NME7: variants seen among roughly 807,000 people sequenced by gnomAD.
The protein encoded by NME7 is NME/NM23 family member 7.
NME7 carries 41 observed loss-of-function variants against 49.1 expected under a neutral mutation model. That is an observed-to-expected ratio of 0.83 (90% CI 0.65 to 1.08). NME7 has a LOEUF of 1.08. NME7 is among the 50% of genes least tolerant of loss of function. The pLI, the probability that NME7 is intolerant of heterozygous loss-of-function variation, is 0.00. For synonymous variants in NME7, 139 were observed against 150.6 expected, an observed-to-expected ratio of 0.92 and a Z score of 0.56; for missense variants, 423 against 463.4, an observed-to-expected ratio of 0.91 and a Z score of 0.80.
chr1:169,180,068 G>C (rs1191939238), intron 10 of NME7, among the ~76,000 whole-genome samples: 1 of 151,758 alleles, frequency 6.6e-6, no homozygotes, highest in Admixed American at 6.6e-5. Context: ...ATAACATAGA[G>C]ATTTTATAAA....
chr1:169,185,241 A>C (rs1660035209), intron 10 of NME7, among the ~76,000 whole-genome samples: 1 of 152,208 alleles, frequency 6.6e-6, no homozygotes, highest in South Asian at 2.1e-4. Context: ...AAGACACGAC[A>C]ATTCAAGGAA....
intron 5 of NME7, among the ~76,000 whole-genome samples, chr1:169,300,540 T>G (rs1650897910): frequency 6.6e-6 from 1 of 152,140 alleles, no homozygotes; most frequent in South Asian, 2.1e-4. Flanking sequence ...TAAATTTAAT[T>G]ACATGTCAAA....
intron 1 of NME7, among the ~76,000 whole-genome samples, chr1:169,346,979 T>C (rs2101970181): frequency 6.6e-6 from 1 of 152,304 alleles, no homozygotes; most frequent in African/African-American, 2.4e-5. Flanking sequence ...CCTGTTGACA[T>C]GGAGCTTACT....
At chr1:169,331,529 A>G (rs1294011189) in intron 1 of NME7, among the ~76,000 whole-genome samples, 1 of 152,152 alleles carries the variant, frequency 6.6e-6, no homozygotes, top group Non-Finnish European at 1.5e-5. Flanking sequence ...GAAGAAGTCA[A>G]ATTATCCTTG....
chr1:169,342,997 G>GTC lies in NME7; in HGVS notation c.4-18498_4-18497insGA, dbSNP rs1553196275. On this transcript the variant is annotated intron_variant, in intron 1 of 11. Coordinates refer to ENST00000367811, the MANE Select transcript of NME7 (RefSeq NM_013330.5). Reference sequence around the variant, plus strand: ...CAAGTACATATATATACTTGTATTAGTATATATATATATATATGCATATAT... The same window carrying GTC: ...CAAGTACATATATATACTTGTATTAGTCTATATATATATATATATGCATATAT... Among the ~76,000 whole-genome samples, 2 of 44,232 alleles carry GTC rather than the reference G, an allele frequency of 4.5e-5. 1 individual carries two copies. The highest frequency in any genetic ancestry group is 1.2e-4 in the Non-Finnish European group (2 of 16,274). The allele number at this position is 44,232 out of a possible 152,430, so 29.0% of individuals were successfully genotyped here.
intron 10 of NME7, among the ~76,000 whole-genome samples, chr1:169,220,026 A>G (rs1661094222): frequency 6.6e-6 from 1 of 152,024 alleles, no homozygotes; most frequent in Non-Finnish European, 1.5e-5. Flanking sequence ...TTCATGAAAG[A>G]TTTTCACAAA....
chr1:169,310,004 T>A lies in NME7; in HGVS notation c.355A>T (p.Thr119Ser). The change falls in exon 4 of 12, where the codon ACT becomes TCT. Residue 119 changes from threonine to serine, a missense_variant. Coordinates refer to ENST00000367811, the MANE Select transcript of NME7 (RefSeq NM_013330.5). Reference sequence around the variant, plus strand: ...ATCATCATTTTGAGTTTGGTTATAGTAAATCCAGCTTTGTTTATTATTTCA... The same window carrying A: ...ATCATCATTTTGAGTTTGGTTATAGAAAATCCAGCTTTGTTTATTATTTCA... ...IIEIINKAGF[T>S]ITKLKMMMLS... 6.2e-7 allele frequency: 1 copy of A among 1,605,256 alleles called. No homozygotes were observed. The highest frequency in any genetic ancestry group is 8.5e-7 in the Non-Finnish European group (1 of 1,175,276).
chr1:169,171,178 G>A (rs979252346), intron 10 of NME7, among the ~76,000 whole-genome samples: 4 of 151,936 alleles, frequency 2.6e-5, no homozygotes, highest in African/African-American at 2.4e-5. Context: ...GAGCAGCCTT[G>A]GCAACACAGA....
intron 7 of NME7, among the ~76,000 whole-genome samples, chr1:169,276,382 T>C (rs1649729509): frequency 7.5e-6 from 1 of 133,606 alleles, no homozygotes; most frequent in Non-Finnish European, 1.8e-5. Context: ...ATTGGTGTAT[T>C]CAGAGATTCG....
intron 10 of NME7, among the ~76,000 whole-genome samples, chr1:169,229,638 C>T (rs960367537): frequency 6.6e-6 from 1 of 152,126 alleles, no homozygotes; most frequent in Non-Finnish European, 1.5e-5. Context: ...TTAATAGATG[C>T]TGTGGATTTA....
At position 169,310,072 on chromosome 1, in the gene NME7, G is replaced by T; in HGVS notation, c.287C>A (p.Ala96Asp). The change falls in exon 4 of 12, where the codon GCC becomes GAC. Residue 96 changes from alanine to aspartate, a missense_variant. Coordinates refer to ENST00000367811, the MANE Select transcript of NME7 (RefSeq NM_013330.5). ...QLGSRKEKTL[A>D]LIKPDAISKA... ...TGATATTGCATCTGGTTTAATTAGG[G>T]CTAGCGTTCTATAAGGAAACAAAAA... The T allele has an allele frequency of 1.3e-6, 2 of 1,584,910 alleles. No individual in the cohort carries two copies. Among genetic ancestry groups the T allele is most frequent in the Non-Finnish European group, 1.7e-6 (2 of 1,164,696 alleles).
chr1:169,351,612 A>AC (rs1252475613), intron 1 of NME7, among the ~76,000 whole-genome samples: 2 of 152,052 alleles, frequency 1.3e-5, no homozygotes, highest in Non-Finnish European at 2.9e-5. Context: ...AATGAAAAAA[A>AC]AATACAAAAG....
At chr1:169,312,473 T>G (rs115986997) in intron 3 of NME7, among the ~76,000 whole-genome samples, 2,197 of 152,302 alleles carry the variant, frequency 0.014, 46 homozygotes, top group African/African-American at 0.048. Flanking sequence ...CACTGTAAGA[T>G]GCAGCGTGAG....
intron 1 of NME7, among the ~76,000 whole-genome samples, chr1:169,364,951 T>C (rs1653797568): frequency 6.6e-6 from 1 of 152,228 alleles, no homozygotes. Flanking sequence ...TCAGAAGTCA[T>C]GTAGCCAGAG....
At chr1:169,165,410 C>T (rs773927949) in intron 11 of NME7, among the ~76,000 whole-genome samples, 1 of 152,028 alleles carries the variant, frequency 6.6e-6, no homozygotes, top group Non-Finnish European at 1.5e-5. Context: ...GTAAACATCA[C>T]ATTAGGGAAA....
intron 10 of NME7, among the ~76,000 whole-genome samples, chr1:169,228,679 G>A (rs796127539): frequency 6.5e-5 from 7 of 107,052 alleles, no homozygotes; most frequent in African/African-American, 2.2e-4. Flanking sequence ...GCGAGACTCC[G>A]TCTCAAAAAA....
At chr1:169,174,199 T>C (rs1440693023) in intron 10 of NME7, among the ~76,000 whole-genome samples, 1 of 152,136 alleles carries the variant, frequency 6.6e-6, no homozygotes, top group Non-Finnish European at 1.5e-5. Context: ...GAATAGTGAT[T>C]GGCAAAATAC....
intron 6 of NME7, among the ~76,000 whole-genome samples, chr1:169,293,449 TA>T (rs1650591171): frequency 6.6e-6 from 1 of 152,180 alleles, no homozygotes; most frequent in South Asian, 2.1e-4. Flanking sequence ...ATTTATTGAC[TA>T]ATCAATCTAT....
intron 1 of NME7, among the ~76,000 whole-genome samples, chr1:169,352,161 TATTGATGCAGAA>T (rs1250618525): frequency 6.6e-6 from 1 of 151,844 alleles, no homozygotes; most frequent in Non-Finnish European, 1.5e-5. Context: ...ATATCTCTAA[TATTGATGCAGAA>T]ATCTTCAAAA....
Sources: allele counts gnomAD v4.1 joint callset (sites outside exome capture counted in the v4.1 genomes callset), GRCh38; gene constraint gnomAD v4.1.1; transcripts MANE v1.5; gene names NCBI Gene and HGNC (gene_info 2026-07-23, HGNC 2026-07-21).